The following MRPS24 variants were observed in gnomAD, a reference collection of about 807,000 sequenced individuals.
MRPS24 encodes mitochondrial ribosomal protein S24.
MRPS24 carries 15 observed loss-of-function variants against 21.8 expected under a neutral mutation model. That is an observed-to-expected ratio of 0.69 (90% confidence interval 0.46 to 1.06). MRPS24 has a LOEUF of 1.06. Among genes scored for constraint, MRPS24 ranks in the 50% least tolerant of loss-of-function variants. The pLI, the probability that MRPS24 is intolerant of heterozygous loss-of-function variation, is 0.00. For missense variants in MRPS24, 224 were observed against 219.1 expected (o/e 1.02, Z -0.14); for synonymous variants, 93 against 93.7 (o/e 0.99, Z 0.04).
chr7:43,869,444 T>A lies in MRPS24; in HGVS notation c.39+13A>T, dbSNP rs762634358. Reference sequence around the variant, plus strand: ...CTCCGACTCGCAGGGACCTGCCGAGTCGCCCCACTCACCCGTGGCCCCAGC... The same window carrying A: ...CTCCGACTCGCAGGGACCTGCCGAGACGCCCCACTCACCCGTGGCCCCAGC... On this transcript the variant is annotated intron_variant, in intron 1 of 3. Transcript: ENST00000317534. The surrounding 1 kb of genome is among the most constrained non-coding windows in gnomAD (Gnocchi z 4.8). 1.0e-5 allele frequency: 16 copies of A among 1,558,972 alleles called. No individual in the cohort carries two copies. Among genetic ancestry groups the A allele is most frequent in the Non-Finnish European group, 1.3e-5 (15 of 1,152,474 alleles).
chr7:43,869,263 C>A lies in MRPS24; in HGVS notation c.108+45G>T, dbSNP rs762387948. 11 of 1,404,698 alleles carry A rather than the reference C, an allele frequency of 7.8e-6. No individual in the cohort carries two copies. The South Asian group carries it at 9.9e-5, about 13-fold the overall frequency. The allele number at this position is 1,404,698 out of a possible 1,614,324, so 87.0% of individuals were successfully genotyped here. ...CCGCACGGCTTCCCCGGCCCCCGGC[C>A]CCCCGGCCCCCAGGCCCCCAGGCCC... On this transcript the variant is annotated intron_variant, in intron 2 of 3. Coordinates refer to ENST00000317534, the MANE Select transcript of MRPS24 (RefSeq NM_032014.3). The surrounding 1 kb of genome is among the most constrained non-coding windows in gnomAD (Gnocchi z 4.8).
In MRPS24 at chr7:43,866,799, A is replaced by C; in HGVS notation, c.404T>G (p.Leu135Arg). 1 of 1,614,262 alleles carries C rather than the reference A, an allele frequency of 6.2e-7. No individual in the cohort carries two copies. Among genetic ancestry groups the C allele is most frequent in the East Asian group, 2.2e-5 (1 of 44,890 alleles). The change falls in exon 4 of 4, where the codon CTC becomes CGC. Residue 135 changes from leucine (L) to arginine (R), a missense_variant. Transcript: ENST00000317534. ...RQLSPHKYYF[L>R]VGYSETLLSY... ...CAGCAAAGTTTCACTGTAGCCCACG[A>C]GGAAGTAGTACTTGTGTGGAGACAA...
In MRPS24 at chr7:43,868,984, C is replaced by T; in HGVS notation, c.199G>A (p.Gly67Ser). Residue 67 changes from glycine (G) to serine (S), a missense_variant, in exon 3 of 4, where the codon GGC becomes AGC. By Grantham distance (56) the Gly-to-Ser change is moderately conservative (BLOSUM62 0). Transcript: ENST00000317534. ...TCACCTGTGTGCAGCGACAGCCAGC[C>T]TTTACGGTGGGCGATGTAGTGCGGC... ...HAPHYIAHRK[G>S]WLSLHTGNLD... 1 of 1,614,044 alleles carries T rather than the reference C, an allele frequency of 6.2e-7. No individual in the cohort carries two copies. The highest frequency in any genetic ancestry group is 8.5e-7 in the Non-Finnish European group (1 of 1,179,996).
chr7:43,868,360 G>C (rs898793300), intron 3 of MRPS24: 1 of 152,204 alleles, frequency 6.6e-6, no homozygotes, highest in Non-Finnish European at 1.5e-5. Flanking sequence ...ACTAGGCAGA[G>C]CCTTGTCGAC....
chr7:43,868,718 T>C (rs898655902), intron 3 of MRPS24: 1 of 484,914 alleles, frequency 2.1e-6, no homozygotes, highest in Non-Finnish European at 3.6e-6. Flanking sequence ...TAATTTCTGT[T>C]CAGTGGAGGA....
Position 43,869,294 on chromosome 7 carries a change from C to G in MRPS24, c.108+14G>C, listed in dbSNP as rs928776947. ...GCCCCCAGGCCCCCAGGCCCCTGCC[C>G]CGGCGGTGCTCACCTTGGCGCAGAC... On this transcript the variant is annotated intron_variant, in intron 2 of 3. Coordinates refer to ENST00000317534, the MANE Select transcript of MRPS24 (RefSeq NM_032014.3). The surrounding 1 kb of genome is among the most constrained non-coding windows in gnomAD (Gnocchi z 4.8). 2.0e-5 allele frequency: 31 copies of G among 1,536,510 alleles called. No individual in the cohort carries two copies. The highest frequency in any genetic ancestry group is 2.6e-5 in the Non-Finnish European group (30 of 1,144,626).
Position 43,869,127 on chromosome 7 carries a change from T to A in MRPS24, c.109-53A>T. 1.3e-6 allele frequency: 2 copies of A among 1,568,312 alleles called. No individual in the cohort carries two copies. The highest frequency in any genetic ancestry group is 1.7e-6 in the Non-Finnish European group (2 of 1,160,988). On this transcript the variant is annotated intron_variant, in intron 2 of 3. Coordinates refer to ENST00000317534, the MANE Select transcript of MRPS24 (RefSeq NM_032014.3). This position sits in a 1 kb window ranked among gnomAD's most constrained non-coding sequence, Gnocchi z 4.8. ...CGAGATCCCCGATCCAGACCCCTAC[T>A]TCGCGCCATGTCCCCCCAGTCAGCT...
intron 3 of MRPS24, chr7:43,868,711 T>A (rs1290294612): frequency 2.2e-6 from 1 of 464,734 alleles, no homozygotes; most frequent in South Asian, 3.4e-5. Context: ...ATGCAAATAA[T>A]TTCTGTTCAG....
chr7:43,869,475 G>T lies in MRPS24; in HGVS notation c.21C>A (p.Ser7Arg). 6.4e-7 allele frequency: 1 copy of T among 1,569,270 alleles called. No individual in the cohort carries two copies. Among genetic ancestry groups the T allele is most frequent in the Non-Finnish European group, 8.6e-7 (1 of 1,158,568 alleles). Residue 7 changes from serine to arginine, a missense_variant, in exon 1 of 4, where the codon AGC becomes AGA. Physicochemically the swap from Ser to Arg is moderately radical, Grantham distance 110. Transcript: ENST00000317534. The surrounding 1 kb of genome is among the most constrained non-coding windows in gnomAD (Gnocchi z 4.8). MAASVC[S>R]GLLGPRVLSW... ...CACTCACCCGTGGCCCCAGCAACCC[G>T]CTGCACACGGAGGCCGCCATCTTGG...
At position 43,869,079 on chromosome 7, in the gene MRPS24, G is replaced by C. The variant is rs780534591; in HGVS notation, c.109-5C>G. The C allele has an allele frequency of 6.2e-7, 1 of 1,610,710 alleles. No homozygotes were observed. The highest frequency in any genetic ancestry group is 8.5e-7 in the Non-Finnish European group (1 of 1,179,716). ...GCGTACTCGGGCCGCCCGGTTCTAG[G>C]AGCAAAAGGGGCCGTGACTCCACGA... On this transcript the variant is annotated splice_region_variant and splice_polypyrimidine_tract_variant and intron_variant, in intron 2 of 3. Coordinates refer to ENST00000317534, the MANE Select transcript of MRPS24 (RefSeq NM_032014.3). The surrounding 1 kb of genome is among the most constrained non-coding windows in gnomAD (Gnocchi z 4.8).
intron 3 of MRPS24, 93 bp downstream of exon 3, chr7:43,868,870 T>C: frequency 6.8e-7 from 1 of 1,462,514 alleles, no homozygotes; most frequent in Non-Finnish European, 9.3e-7. Context: ...CTAGCATTAT[T>C]TCCTGAGTTA....
In MRPS24 at chr7:43,869,201, G is replaced by C; in HGVS notation, c.108+107C>G. The C allele has an allele frequency of 6.8e-7, 1 of 1,466,796 alleles. No homozygotes were observed. Among genetic ancestry groups the C allele is most frequent in the Non-Finnish European group, 9.0e-7 (1 of 1,112,478 alleles). 90.9% of individuals were successfully genotyped at this position (1,466,796 alleles called of 1,614,324 possible). On this transcript the variant is annotated intron_variant, in intron 2 of 3. Coordinates refer to ENST00000317534, the MANE Select transcript of MRPS24 (RefSeq NM_032014.3). This position sits in a 1 kb window ranked among gnomAD's most constrained non-coding sequence, Gnocchi z 4.8. ...CCCTGATCCCTAAGCCCCGACCCTA[G>C]CCCCGCCTCGGACCCCAGCGACACG... is the stretch of plus-strand genomic sequence containing the variant.
At chr7:43,867,330 C>T (rs1323918449) in intron 3 of MRPS24, among the ~76,000 whole-genome samples, 3 of 151,994 alleles carry the variant, frequency 2.0e-5, no homozygotes, top group Non-Finnish European at 2.9e-5. Context: ...ATCCCATGGG[C>T]CAGAAAGATG....
intron 3 of MRPS24, chr7:43,867,753 ACTC>A (rs1258618199): frequency 6.6e-6 from 1 of 151,486 alleles, no homozygotes; most frequent in African/African-American, 2.4e-5. Flanking sequence ...TTGGTATTGA[ACTC>A]CTGACCTCAG....
Position 43,869,298 on chromosome 7 carries a change from C to T in MRPS24, c.108+10G>A. The T allele has an allele frequency of 6.5e-7, 1 of 1,536,310 alleles. No individual in the cohort carries two copies. Among genetic ancestry groups the T allele is most frequent in the Non-Finnish European group, 8.7e-7 (1 of 1,144,400 alleles). The stretch of plus-strand genomic sequence containing the variant: ...CCAGGCCCCCAGGCCCCTGCCCCGG[C>T]GGTGCTCACCTTGGCGCAGACCGGG... On this transcript the variant is annotated intron_variant, in intron 2 of 3. Coordinates refer to ENST00000317534, the MANE Select transcript of MRPS24 (RefSeq NM_032014.3). This position sits in a 1 kb window ranked among gnomAD's most constrained non-coding sequence, Gnocchi z 4.8.
Position 43,869,326 on chromosome 7 carries a change from GGT to G in MRPS24, c.88_89del (p.Thr30LeufsTer36). 1.9e-6 allele frequency: 3 copies of G among 1,546,686 alleles called. No individual in the cohort carries two copies. Among genetic ancestry groups the G allele is most frequent in the Admixed American group, 2.0e-5 (1 of 50,990 alleles). ...ELPCAWRALH[T>X]SPVCAKNRAA... is the part of the protein sequence containing the mutation. ...TGCTCACCTTGGCGCAGACCGGGGA[GGT>G]GTGCAGGGCGCGCCAAGCGCAAGGC... On this transcript the variant is annotated frameshift_variant, in exon 2 of 4. Transcript: ENST00000317534. LOFTEE classifies it high-confidence loss of function. This position sits in a 1 kb window ranked among gnomAD's most constrained non-coding sequence, Gnocchi z 4.8.
chr7:43,869,462 G>A lies in MRPS24; in HGVS notation c.34C>T (p.Pro12Ser). 1 of 1,566,622 alleles carries A rather than the reference G, an allele frequency of 6.4e-7. No homozygotes were observed. Among genetic ancestry groups the A allele is most frequent in the Non-Finnish European group, 8.6e-7 (1 of 1,156,824 alleles). The change falls in exon 1 of 4, where the codon CCA becomes TCA. Residue 12 changes from proline (P) to serine (S), a missense_variant. By Grantham distance (74) the Pro-to-Ser change is moderately conservative (BLOSUM62 -1). Coordinates refer to ENST00000317534, the MANE Select transcript of MRPS24 (RefSeq NM_032014.3). This position sits in a 1 kb window ranked among gnomAD's most constrained non-coding sequence, Gnocchi z 4.8. ...AASVCSGLLG[P>S]RVLSWSRELP... ...TGCCGAGTCGCCCCACTCACCCGTG[G>A]CCCCAGCAACCCGCTGCACACGGAG...
At chr7:43,868,864 CATT>C in intron 3 of MRPS24, 96 bp downstream of exon 3, 1 of 1,412,536 alleles carries the variant, frequency 7.1e-7, no homozygotes, top group Non-Finnish European at 9.6e-7. Context: ...CTGACCCTAG[CATT>C]ATTTCCTGAG....
At chr7:43,867,409 G>T (rs1037398773) in intron 3 of MRPS24, 25 of 195,702 alleles carry the variant, frequency 1.3e-4, no homozygotes, top group Admixed American at 9.6e-4. Flanking sequence ...GGGTTCCTCA[G>T]TGTGAACTGT....
Sources: allele counts gnomAD v4.1 joint callset (sites outside exome capture counted in the v4.1 genomes callset), GRCh38; gene constraint gnomAD v4.1.1; non-coding constraint Gnocchi (gnomAD v3.1); transcripts MANE v1.5; gene names NCBI Gene and HGNC (gene_info 2026-07-23, HGNC 2026-07-21).